The following SI variants were observed in gnomAD, a reference collection of about 807,000 sequenced individuals.
SI encodes the protein sucrase-isomaltase.
Under a neutral mutation model 253.3 loss-of-function variants are expected in SI, and 235 were observed. The ratio of observed to expected loss-of-function variants is 0.93; its 90% CI spans 0.83 to 1.03. The LOEUF (loss-of-function observed/expected upper bound fraction) is 1.03. SI is among the 50% of genes least tolerant of loss of function. The pLI is 0.00. For missense variants in SI, 2,442 were observed against 2,211.1 expected, an observed-to-expected ratio of 1.10 and a Z score of -2.09; for synonymous variants, 819 against 712.0, an observed-to-expected ratio of 1.15 and a Z score of -2.39.
rs1380564894 is a variant in SI, at chr3:165,043,054, C to T, written c.2004+5G>A. The T allele has an allele frequency of 9.7e-6, 15 of 1,538,832 alleles. No individual in the cohort carries two copies. Among genetic ancestry groups the T allele is most frequent in the Middle Eastern group, 1.7e-4 (1 of 5,884 alleles). The stretch of plus-strand genomic sequence containing the variant: ...TTCGCAACATGGAGAACAAGAGGCT[C>T]TTACTTCATATCCGTCAGAATTATG... On this transcript the variant is annotated splice_donor_5th_base_variant and intron_variant, in intron 17 of 47. Transcript: ENST00000264382.
At chr3:164,985,688 T>A (rs115021234) in intron 45 of SI, among the ~76,000 whole-genome samples, 1 of 152,144 alleles carries the variant, frequency 6.6e-6, no homozygotes, top group Non-Finnish European at 1.5e-5. Context: ...ATATCAATTT[T>A]TTTGATTAAA....
chr3:165,071,292 T>G (rs2108106032), intron 3 of SI, among the ~76,000 whole-genome samples: 1 of 152,114 alleles, frequency 6.6e-6, no homozygotes, highest in Non-Finnish European at 1.5e-5. Flanking sequence ...TGCGAAGATT[T>G]TGATACTTGT....
At chr3:165,027,999 C>G (rs758978108) in intron 25 of SI, among the ~76,000 whole-genome samples, 1 of 151,292 alleles carries the variant, frequency 6.6e-6, no homozygotes, top group Non-Finnish European at 1.5e-5. Flanking sequence ...GTCAAACTGT[C>G]GCTCTTTGCT....
At chr3:164,998,431 G>T in intron 38 of SI, 109 bp downstream of exon 38, 1 of 1,162,424 alleles carries the variant, frequency 8.6e-7, no homozygotes, top group Non-Finnish European at 1.3e-6. Context: ...AAAGTACGAT[G>T]TGAAGAACAA....
intron 13 of SI, among the ~76,000 whole-genome samples, chr3:165,052,461 G>A (rs192373690): frequency 5.8e-4 from 88 of 152,194 alleles, no homozygotes; most frequent in African/African-American, 1.9e-3. Context: ...TTCCAGACCA[G>A]CCTGGCCAAC....
At chr3:165,028,903 A>G (rs1041636015) in intron 25 of SI, among the ~76,000 whole-genome samples, 1 of 151,494 alleles carries the variant, frequency 6.6e-6, no homozygotes, top group Non-Finnish European at 1.5e-5. Flanking sequence ...AGCAAATCCA[A>G]TAAAAACAAA....
chr3:165,047,063 T>C (rs1713159390), intron 15 of SI, 51 bp from the exon 16 acceptor site: 1 of 1,403,844 alleles, frequency 7.1e-7, no homozygotes, highest in African/African-American at 1.5e-5. Context: ...AAAATAAAGT[T>C]GGTATTTAAA....
intron 22 of SI, among the ~76,000 whole-genome samples, chr3:165,036,114 A>T (rs1712515377): frequency 6.6e-6 from 1 of 151,862 alleles, no homozygotes; most frequent in Non-Finnish European, 1.5e-5. Flanking sequence ...GAATTTATTG[A>T]CTATTTTAAT....
intron 40 of SI, among the ~76,000 whole-genome samples, chr3:164,994,825 A>G (rs1032620558): frequency 4.0e-5 from 6 of 151,658 alleles, no homozygotes; most frequent in African/African-American, 1.5e-4. Flanking sequence ...GTGGGTTCTC[A>G]GGAGAAATGA....
Position 165,017,999 on chromosome 3 carries a change from C to G in SI, c.3491G>C (p.Gly1164Ala), listed in dbSNP as rs1191968627. ...MALEEEGNAH[G>A]VFLLNSNAMD... The stretch of plus-strand genomic sequence containing the variant: ...TGCATTGCTGTTGAGTAAGAAAACA[C>G]CATGAGCATTGCCCTCCTCTTCCAG... The change falls in exon 29 of 48, where the codon GGT becomes GCT. Residue 1164 changes from glycine to alanine, a missense_variant. Transcript: ENST00000264382. The G allele has an allele frequency of 6.2e-7, 1 of 1,611,346 alleles. No homozygotes were observed.
rs775942223 is a variant in SI, at chr3:165,075,955, C to G, written c.58G>C (p.Val20Leu). 6.3e-7 allele frequency: 1 copy of G among 1,598,846 alleles called. No individual in the cohort carries two copies. Among genetic ancestry groups the G allele is most frequent in the Non-Finnish European group, 8.6e-7 (1 of 1,169,414 alleles). ...EISLIVLFVI[V>L]TIIAIALIVV... Reference sequence around the variant, plus strand: ...ATTAAGGCAATAGCTATTATAGTAACTATGACAAAAAGGACAATCAGAGAG... The same window carrying G: ...ATTAAGGCAATAGCTATTATAGTAAGTATGACAAAAAGGACAATCAGAGAG... Residue 20 changes from valine to leucine, a missense_variant, in exon 2 of 48, where the codon GTT (valine) becomes CTT (leucine). Physicochemically the swap from Val to Leu is conservative, Grantham distance 32. Transcript: ENST00000264382.
At chr3:165,019,485 C>T (rs1296736489) in intron 28 of SI, 117 bp downstream of exon 28, 1 of 955,416 alleles carries the variant, frequency 1.0e-6, no homozygotes, top group African/African-American at 1.6e-5. Flanking sequence ...CTCTGGAGAT[C>T]TCTAGCTAAT....
At chr3:165,006,275 AT>A (rs1438042331) in intron 37 of SI, among the ~76,000 whole-genome samples, 1 of 151,846 alleles carries the variant, frequency 6.6e-6, no homozygotes, top group Non-Finnish European at 1.5e-5. Context: ...CTCCTGGCTA[AT>A]TTTTTGTATT....
the SI span, among the ~76,000 whole-genome samples, chr3:165,086,916 A>G: frequency 7.9e-5 from 12 of 152,316 alleles, no homozygotes; most frequent in East Asian, 2.3e-3. Flanking sequence ...TCTCATGCGT[A>G]GAACTGCAGA....
chr3:165,026,616 A>G (rs1711935108), intron 25 of SI, among the ~76,000 whole-genome samples: 1 of 151,406 alleles, frequency 6.6e-6, no homozygotes, highest in African/African-American at 2.4e-5. Flanking sequence ...AATTATATCA[A>G]GCACTCTCTG....
Position 165,046,850 on chromosome 3 carries a change from T to G in SI, c.1878A>C (p.Gly626=), listed in dbSNP as rs372820529. 3.1e-6 allele frequency: 5 copies of G among 1,612,678 alleles called. No individual in the cohort carries two copies. In the South Asian group the frequency reaches 4.4e-5, roughly 14 times the overall value. The change falls in exon 16 of 48, where the codon GGA becomes GGC. Residue 626 remains glycine, a synonymous_variant. Transcript: ENST00000264382. The part of the protein sequence containing the change: ...ITGMLEFSLF[G]IPLVGADICG... ...TATGAAACTGTCTTACCAAAGGTAT[T>G]CCAAACAAACTGAACTCCAGCATTC...
intron 15 of SI, 106 bp downstream of exon 15, chr3:165,049,021 C>CT (rs60102115): frequency 0.032 from 4,110 of 126,850 alleles, 111 homozygotes; most frequent in African/African-American, 0.19. Flanking sequence ...TATTATCTTT[C>CT]TTTTTTCAAC....
At chr3:165,073,759 A>C (rs1294296680) in intron 3 of SI, among the ~76,000 whole-genome samples, 1 of 152,156 alleles carries the variant, frequency 6.6e-6, no homozygotes, top group Non-Finnish European at 1.5e-5. Context: ...ATAAAAAACA[A>C]TACATTATAA....
At chr3:164,983,587 T>A (rs1037760304) in intron 45 of SI, among the ~76,000 whole-genome samples, 17 of 152,188 alleles carry the variant, frequency 1.1e-4, no homozygotes, top group African/African-American at 3.9e-4. Flanking sequence ...ATAATCATTA[T>A]TTTTTAGTTT....
Sources: gnomAD v4.1 joint callset for allele counts (sites outside exome capture counted in the v4.1 genomes callset) on GRCh38, gnomAD v4.1.1 for gene constraint, MANE v1.5 for transcripts, NCBI Gene and HGNC (gene_info 2026-07-23, HGNC 2026-07-21) for gene names.